Variants in FRMD7 observed in about 807,000 individuals in gnomAD.
FRMD7 encodes the protein FERM domain-containing protein 7.
In FRMD7, 14 loss-of-function variants were observed where a neutral mutation model predicts 44.1. The observed-to-expected ratio is 0.32, with a 90% CI of 0.21 to 0.50. FRMD7 has a LOEUF of 0.50. Ranked by LOEUF, FRMD7 falls within the 20% of genes least tolerant of loss-of-function variation. The probability of loss-of-function intolerance (pLI) is 0.99; values close to 1 mark genes in which losing one functional copy is unlikely to be tolerated. For synonymous variants in FRMD7, 212 were observed against 187.4 expected (o/e 1.13, Z -1.07); for missense variants, 501 against 522.3 (o/e 0.96, Z 0.40).
At chrX:132,086,628 C>A (rs1927999500) in intron 5 of FRMD7, among the ~76,000 whole-genome samples, 1 of 106,407 alleles carries the variant, frequency 9.4e-6, no homozygotes. Flanking sequence ...AACAAGAAGG[C>A]AGCCATCTGC....
chrX:132,085,116 A>G (rs985548512), intron 7 of FRMD7, among the ~76,000 whole-genome samples: 1 of 111,148 alleles, frequency 9.0e-6, no homozygotes, highest in African/African-American at 3.3e-5. Flanking sequence ...AATGCCTTCC[A>G]CATAGTCAAG....
At chrX:132,087,294 T>A (rs1047292932) in intron 5 of FRMD7, among the ~76,000 whole-genome samples, 1 of 111,491 alleles carries the variant, frequency 9.0e-6, no homozygotes, top group African/African-American at 3.3e-5. Context: ...GCATTCTATA[T>A]ACTGTAAGAG....
intron 5 of FRMD7, among the ~76,000 whole-genome samples, chrX:132,090,025 C>T (rs1441046382): frequency 2.7e-5 from 3 of 112,197 alleles, no homozygotes; most frequent in Non-Finnish European, 5.6e-5. Flanking sequence ...ATGCTTATAG[C>T]ATTATTCATA....
chrX:132,093,502 C>A (rs1396810863), intron 5 of FRMD7, among the ~76,000 whole-genome samples: 1 of 112,711 alleles, frequency 8.9e-6, no homozygotes, highest in Non-Finnish European at 1.9e-5. Context: ...CTTCGTTATG[C>A]AGCCTAGTCC....
rs1927696007 is a variant in FRMD7 at position 132,078,535 on chromosome X, C to T, written c.1482G>A (p.Gln494=). The T allele has an allele frequency of 5.0e-6, 6 of 1,211,500 alleles. No individual in the cohort carries two copies. The East Asian group carries it at 1.8e-4, about 36-fold the overall frequency. ...GTGGCTTGTCCACATAAAAAAAGAC[C>T]TGGGGAGGCATAATACCAACCTGCT... ...TGQQVGIMPP[Q]VFFYVDKPPQ... Residue 494 remains glutamine (Q), a synonymous_variant, in exon 12 of 12, where the codon CAG becomes CAA. Transcript: ENST00000298542.
intron 1 of FRMD7, among the ~76,000 whole-genome samples, chrX:132,112,802 G>A (rs978023836): frequency 2.7e-5 from 3 of 110,988 alleles, no homozygotes; most frequent in South Asian, 7.7e-4. Context: ...TAGCTAGTCC[G>A]GTACCTGATA....
chrX:132,110,523 G>C (rs1445687113), intron 1 of FRMD7, among the ~76,000 whole-genome samples: 1 of 111,528 alleles, frequency 9.0e-6, no homozygotes, highest in Non-Finnish European at 1.9e-5. Flanking sequence ...CATCATCGCT[G>C]AGTTTAGGCT....
chrX:132,085,088 C>T (rs1256636042), intron 7 of FRMD7, among the ~76,000 whole-genome samples: 1 of 111,101 alleles, frequency 9.0e-6, no homozygotes, highest in Admixed American at 9.7e-5. Context: ...CTGCAGTCTC[C>T]TCATTTTCCT....
intron 5 of FRMD7, among the ~76,000 whole-genome samples, chrX:132,092,172 T>C (rs1928197002): frequency 8.9e-6 from 1 of 111,967 alleles, no homozygotes; most frequent in Admixed American, 9.5e-5. Context: ...GAAGAGTTAC[T>C]GAGGGAGTTC....
chrX:132,120,996 G>A (rs1479201878), intron 1 of FRMD7, among the ~76,000 whole-genome samples: 1 of 111,806 alleles, frequency 8.9e-6, no homozygotes, highest in Admixed American at 9.5e-5. Flanking sequence ...CCTGGGTTTA[G>A]AAGCTCCTTC....
intron 1 of FRMD7, among the ~76,000 whole-genome samples, chrX:132,109,062 G>T (rs1928716763): frequency 9.0e-6 from 1 of 111,670 alleles, no homozygotes; most frequent in African/African-American, 3.3e-5. Context: ...TTTTGACAAG[G>T]GCAATATTTA....
At chrX:132,102,183 A>C (rs981854328) in intron 1 of FRMD7, among the ~76,000 whole-genome samples, 1 of 108,677 alleles carries the variant, frequency 9.2e-6, no homozygotes, top group African/African-American at 3.4e-5. Flanking sequence ...GGCCTACCTC[A>C]CCCGCTTCCC....
In FRMD7 at chrX:132,078,113, ACTG is replaced by A. The variant is rs1927670449; in HGVS notation, c.1901_1903del (p.Ala634del). The A allele has an allele frequency of 8.3e-7, 1 of 1,209,036 alleles. No homozygotes were observed. The highest frequency in any genetic ancestry group is 1.7e-5 in the African/African-American group (1 of 57,152). The stretch of plus-strand genomic sequence containing the variant: ...TTCTGCTGTACTTTGATCCATTAGA[ACTG>A]CTGGCAACTCCTGCTCTGCAAACAT... On this transcript the variant is annotated inframe_deletion, in exon 12 of 12. Coordinates refer to ENST00000298542, the MANE Select transcript of FRMD7 (RefSeq NM_194277.3).
rs772241306 is a variant in FRMD7 at position 132,080,237 on chromosome X, T to C, written c.935A>G (p.Tyr312Cys). 8.3e-7 allele frequency: 1 copy of C among 1,204,440 alleles called. No homozygotes were observed. The highest frequency in any genetic ancestry group is 1.8e-5 in the African/African-American group (1 of 57,118). ...GCTCTTCAGCCTCCCTTTTCTCCCA[T>C]ATTCCAAAAGTTGCCTTTGGGTTCG... ...SGRTQRQLLE[Y>C]GRKGRLKSLP... Residue 312 changes from tyrosine to cysteine, a missense_variant, in exon 10 of 12, where the codon TAT (tyrosine) becomes TGT (cysteine). By Grantham distance (194) the Tyr-to-Cys change is radical. Transcript: ENST00000298542.
intron 1 of FRMD7, among the ~76,000 whole-genome samples, chrX:132,126,929 A>T (rs1929170083): frequency 8.9e-6 from 1 of 112,531 alleles, no homozygotes; most frequent in Non-Finnish European, 1.9e-5. Context: ...CCACACACAC[A>T]ACATCATGGC....
chrX:132,099,201 A>T (rs1928428060), intron 3 of FRMD7, among the ~76,000 whole-genome samples: 1 of 111,955 alleles, frequency 8.9e-6, no homozygotes, highest in Non-Finnish European at 1.9e-5. Flanking sequence ...AGAAAATGAG[A>T]TATATTCCTC....
rs1381233848 is a variant in FRMD7 at position 132,126,568 on chromosome X, A to C, written c.57+1220T>G. On this transcript the variant is annotated intron_variant, in intron 1 of 11. Coordinates refer to ENST00000298542, the MANE Select transcript of FRMD7 (RefSeq NM_194277.3). ...AAGATTTCTCTTTGAGTTCCTTGAAATATCTATTAAAAACTTAGCCTAAAG... is the reference window on the plus strand; with the variant it reads ...AAGATTTCTCTTTGAGTTCCTTGAACTATCTATTAAAAACTTAGCCTAAAG... Among the ~76,000 whole-genome samples the C allele has an allele frequency of 2.7e-5, 3 of 112,052 alleles. No individual in the cohort carries two copies. The South Asian group carries it at 1.1e-3, about 42-fold the overall frequency.
At chrX:132,123,964 GT>G (rs1929095928) in intron 1 of FRMD7, among the ~76,000 whole-genome samples, 1 of 112,133 alleles carries the variant, frequency 8.9e-6, no homozygotes, top group Admixed American at 9.4e-5. Context: ...GTCAAATACG[GT>G]GATGGGATGA....
At chrX:132,126,275 A>T (rs1376350683) in intron 1 of FRMD7, among the ~76,000 whole-genome samples, 1 of 111,979 alleles carries the variant, frequency 8.9e-6, no homozygotes, top group Non-Finnish European at 1.9e-5. Context: ...GCATTCTTCC[A>T]CAGAGCAAAA....
Sources: allele counts gnomAD v4.1 joint callset (sites outside exome capture counted in the v4.1 genomes callset), GRCh38; gene constraint gnomAD v4.1.1; transcripts MANE v1.5; gene names NCBI Gene and HGNC (gene_info 2026-07-23, HGNC 2026-07-21).